AKAP6: variants seen among roughly 807,000 people sequenced by gnomAD.
AKAP6 encodes A-kinase anchor protein 6.
In AKAP6, 58 loss-of-function variants were observed where a neutral mutation model predicts 188.5. That is an observed-to-expected ratio of 0.31 (90% CI 0.25 to 0.38). The LOEUF (loss-of-function observed/expected upper bound fraction) is 0.38. AKAP6 is among the 10% of genes least tolerant of loss of function. The probability of loss-of-function intolerance (pLI) is 1.00; values close to 1 mark genes in which losing one functional copy is unlikely to be tolerated. For missense variants in AKAP6, 2,710 were observed against 2,740.0 expected (o/e 0.99, Z 0.24); for synonymous variants, 989 against 998.6 (o/e 0.99, Z 0.18).
chr14:32,524,269 G>A (rs1422014217), intron 2 of AKAP6, among the ~76,000 whole-genome samples: 1 of 152,190 alleles, frequency 6.6e-6, no homozygotes, highest in Non-Finnish European at 1.5e-5. Context: ...TGCAAATCAG[G>A]ATAGTGGTCA....
intron 7 of AKAP6, among the ~76,000 whole-genome samples, chr14:32,664,198 T>C (rs1481907142): frequency 6.6e-6 from 1 of 152,104 alleles, no homozygotes; most frequent in African/African-American, 2.4e-5. Context: ...CCTCTGAATA[T>C]AATAGCAAAG....
In AKAP6 at chr14:32,786,296, A is replaced by ATGTTTTTTTTTTTTTTTTTTTTTTT; in HGVS notation, c.3588+12404_3588+12405insGTTTTTTTTTTTTTTTTTTTTTTTT. Among the ~76,000 whole-genome samples the ATGTTTTTTTTTTTTTTTTTTTTTTT allele has an allele frequency of 2.9e-3, 270 of 93,636 alleles. 94 individuals are homozygous for ATGTTTTTTTTTTTTTTTTTTTTTTT. Among genetic ancestry groups the ATGTTTTTTTTTTTTTTTTTTTTTTT allele is most frequent in the South Asian group, 4.9e-3 (13 of 2,676 alleles). 61.4% of individuals were successfully genotyped at this position (93,636 alleles called of 152,430 possible). On this transcript the variant is annotated intron_variant, in intron 12 of 13. Transcript: ENST00000280979. ...AGCCCTCTGAAAGACCTAAACCTTT[A>ATGTTTTTTTTTTTTTTTTTTTTTTT]TCTTTTTTTTTTTTTTTTTTTTTTT...
intron 2 of AKAP6, among the ~76,000 whole-genome samples, chr14:32,452,552 G>A (rs1402411078): frequency 1.3e-5 from 2 of 152,096 alleles, no homozygotes; most frequent in Non-Finnish European, 2.9e-5. Context: ...GCTTATACCT[G>A]TAATTCCAGC....
At chr14:32,720,209 A>G (rs1210572484) in intron 9 of AKAP6, among the ~76,000 whole-genome samples, 2 of 152,192 alleles carry the variant, frequency 1.3e-5, no homozygotes, top group East Asian at 3.8e-4. Context: ...TATTCAAGAT[A>G]CTCTGTGGTC....
intron 2 of AKAP6, among the ~76,000 whole-genome samples, chr14:32,453,570 C>CTTT (rs1891006364): frequency 2.8e-5 from 2 of 70,914 alleles, no homozygotes; most frequent in Admixed American, 3.5e-4. Context: ...TAGAATTTTT[C>CTTT]TTTTCTTTTT....
chr14:32,590,854 G>A (rs1460972276), intron 5 of AKAP6, among the ~76,000 whole-genome samples: 1 of 152,166 alleles, frequency 6.6e-6, no homozygotes, highest in African/African-American at 2.4e-5. Context: ...GGTATGACTA[G>A]ACAGGATGTT....
intron 1 of AKAP6, among the ~76,000 whole-genome samples, chr14:32,353,202 A>G (rs1210813946): frequency 6.6e-6 from 1 of 152,174 alleles, no homozygotes; most frequent in Non-Finnish European, 1.5e-5. Flanking sequence ...ACAAACCTAC[A>G]AATTGGTACA....
intron 7 of AKAP6, among the ~76,000 whole-genome samples, chr14:32,664,096 C>T (rs1888817832): frequency 6.6e-6 from 1 of 151,960 alleles, no homozygotes; most frequent in African/African-American, 2.4e-5. Flanking sequence ...TTTTGCTTAA[C>T]CTGTCTCTTA....
intron 7 of AKAP6, among the ~76,000 whole-genome samples, chr14:32,674,603 G>A (rs1805763161): frequency 2.0e-5 from 3 of 152,136 alleles, no homozygotes; most frequent in African/African-American, 4.8e-5. Flanking sequence ...TGTTTAAAAC[G>A]AAAGGTTTTA....
chr14:32,614,442 T>C (rs996226860), intron 7 of AKAP6, among the ~76,000 whole-genome samples: 1 of 152,156 alleles, frequency 6.6e-6, no homozygotes, highest in Admixed American at 6.5e-5. Context: ...TAGAAGCTCT[T>C]GTTTTGTGTA....
chr14:32,660,924 A>AAC (rs1888664802), intron 7 of AKAP6, among the ~76,000 whole-genome samples: 2 of 41,068 alleles, frequency 4.9e-5, no homozygotes, highest in Non-Finnish European at 4.3e-5. Context: ...CTTCCCCGCC[A>AAC]CCCCCCCCCC....
intron 12 of AKAP6, among the ~76,000 whole-genome samples, chr14:32,801,775 G>A (rs2140091312): frequency 6.6e-6 from 1 of 152,208 alleles, no homozygotes; most frequent in African/African-American, 2.4e-5. Context: ...TGTGGATTTG[G>A]AATTATAGTT....
chr14:32,660,013 T>C (rs71419919), intron 7 of AKAP6, among the ~76,000 whole-genome samples: 29,439 of 151,978 alleles, frequency 0.19, 3,132 homozygotes, highest in Admixed American at 0.28. Flanking sequence ...AAAATATATA[T>C]ATAAAGAAAG....
chr14:32,733,597 T>C (rs1276233183), intron 10 of AKAP6: 3 of 152,198 alleles, frequency 2.0e-5, no homozygotes, highest in Non-Finnish European at 2.9e-5. Context: ...ATGCCATGCC[T>C]AATCTAGGAG....
chr14:32,525,214 T>G (rs1040683658), intron 2 of AKAP6, among the ~76,000 whole-genome samples: 1 of 152,204 alleles, frequency 6.6e-6, no homozygotes, highest in South Asian at 2.1e-4. Context: ...ATTTCTCCAG[T>G]GTACAATAAC....
Position 32,545,910 on chromosome 14 carries a change from T to G in AKAP6, c.1257T>G (p.Pro419=). The G allele has an allele frequency of 1.2e-6, 2 of 1,614,170 alleles. No homozygotes were observed. Among genetic ancestry groups the G allele is most frequent in the Non-Finnish European group, 1.7e-6 (2 of 1,180,024 alleles). The change falls in exon 4 of 14, where the codon CCT becomes CCG. Residue 419 remains proline (P), a synonymous_variant. Coordinates refer to ENST00000280979, the MANE Select transcript of AKAP6 (RefSeq NM_004274.5). ...GGKRQMVDLK[P]EMSRSTPSLV... is the part of the protein sequence containing the mutation. The stretch of plus-strand genomic sequence containing the variant: ...AGAGGCAAATGGTTGATCTAAAGCC[T>G]GAGATGAGCAGAAGCACCCCTTCGC...
chr14:32,830,144 C>A lies in AKAP6; in HGVS notation c.*339C>A, dbSNP rs1185066458. On this transcript the variant is annotated 3_prime_UTR_variant, in exon 14 of 14. Transcript: ENST00000280979. ...TTCTCTTTGCCTCCTCCCTTCCCTTCCACTCTTTAAAGTTCTGCAGTTCAC... is the reference window on the plus strand; with the variant it reads ...TTCTCTTTGCCTCCTCCCTTCCCTTACACTCTTTAAAGTTCTGCAGTTCAC... 6.9e-6 allele frequency: 4 copies of A among 582,208 alleles called. No homozygotes were observed. In the East Asian group the frequency reaches 1.2e-4, roughly 17 times the overall value. 36.1% of individuals were successfully genotyped at this position (582,208 alleles called of 1,614,324 possible).
At chr14:32,635,193 GA>G (rs1887435165) in intron 7 of AKAP6, among the ~76,000 whole-genome samples, 2 of 151,964 alleles carry the variant, frequency 1.3e-5, no homozygotes, top group South Asian at 4.1e-4. Context: ...GCTTTTCCAG[GA>G]AACTCTGGGA....
intron 5 of AKAP6, among the ~76,000 whole-genome samples, chr14:32,582,493 G>C (rs1159154653): frequency 6.6e-6 from 1 of 151,404 alleles, no homozygotes; most frequent in Non-Finnish European, 1.5e-5. Context: ...TCTTCTCGAG[G>C]AGTATGTTTG....
Sources: gnomAD v4.1 joint callset for allele counts (sites outside exome capture counted in the v4.1 genomes callset) on GRCh38, gnomAD v4.1.1 for gene constraint, MANE v1.5 for transcripts, NCBI Gene and HGNC (gene_info 2026-07-23, HGNC 2026-07-21) for gene names.